The following PPP1R37 variants were observed in gnomAD, a reference collection of about 807,000 sequenced individuals.
The protein encoded by PPP1R37 is leucine rich repeat containing 68.
Under a neutral mutation model 61.0 loss-of-function variants are expected in PPP1R37, and 21 were observed. The observed-to-expected ratio is 0.34, with a 90% CI of 0.24 to 0.50. The LOEUF is 0.50. Among genes scored for constraint, PPP1R37 ranks in the 20% least tolerant of loss-of-function variants. PPP1R37 has a pLI of 0.98. For missense variants in PPP1R37, 910 were observed against 952.7 expected, an observed-to-expected ratio of 0.96 and a Z score of 0.59; for synonymous variants, 443 against 433.5, an observed-to-expected ratio of 1.02 and a Z score of -0.27.
chr19:45,139,993 G>T (rs890707530), intron 2 of PPP1R37, among the ~76,000 whole-genome samples: 1 of 152,052 alleles, frequency 6.6e-6, no homozygotes, highest in Non-Finnish European at 1.5e-5. Flanking sequence ...AGAGGGCTTC[G>T]CCCAGGCCTG....
At chr19:45,113,320 A>T (rs1180538462) in intron 1 of PPP1R37, among the ~76,000 whole-genome samples, 1 of 152,228 alleles carries the variant, frequency 6.6e-6, no homozygotes, top group Non-Finnish European at 1.5e-5. Flanking sequence ...TCGTAACAGG[A>T]ATCATAATAG....
Position 45,117,362 on chromosome 19 carries a change from G to A in PPP1R37, c.203-21152G>A, listed in dbSNP as rs562544770. Among the ~76,000 whole-genome samples, 45 of 152,318 alleles carry A rather than the reference G, an allele frequency of 3.0e-4. No homozygotes were observed. The East Asian group carries it at 6.6e-3, about 22-fold the overall frequency. On this transcript the variant is annotated intron_variant, in intron 1 of 12. Transcript: ENST00000221462. ...AAGCCTGTAGAGTGGCTGAGGAGGC[G>A]TGGGCGAGCCGAGGGTGAGCCCCGG...
At chr19:45,096,000 G>A (rs1967988574) in intron 1 of PPP1R37, among the ~76,000 whole-genome samples, 1 of 152,184 alleles carries the variant, frequency 6.6e-6, no homozygotes, top group South Asian at 2.1e-4. Flanking sequence ...TAACTCCTGA[G>A]CCTCAGTCTT....
At chr19:45,112,294 T>C (rs1417563157) in intron 1 of PPP1R37, among the ~76,000 whole-genome samples, 1 of 152,224 alleles carries the variant, frequency 6.6e-6, no homozygotes, top group African/African-American at 2.4e-5. Flanking sequence ...AGTGCTGGGA[T>C]GACAGGCGTG....
At chr19:45,138,720 T>C (rs1033647262) in intron 2 of PPP1R37, 109 bp downstream of exon 2, 1 of 643,868 alleles carries the variant, frequency 1.6e-6, no homozygotes, top group Middle Eastern at 4.0e-4. Flanking sequence ...CAGGTGTTCA[T>C]GAATACATCT....
At chr19:45,138,430 G>A (rs535682569) in intron 1 of PPP1R37, 84 bp from the exon 2 acceptor site, 144 of 944,944 alleles carry the variant, frequency 1.5e-4, no homozygotes, top group Non-Finnish European at 2.1e-4. Context: ...AGTATGGGCA[G>A]AGGCCTTAGG....
rs115933883 is a variant in PPP1R37, at chr19:45,146,236, G to T, written c.1994-154G>T. 2,471 of 875,898 alleles carry T rather than the reference G, an allele frequency of 2.8e-3. 37 individuals are homozygous for T. The African/African-American group carries it at 0.039, about 14-fold the overall frequency. The allele number at this position is 875,898 out of a possible 1,614,324, so 54.3% of individuals were successfully genotyped here. On this transcript the variant is annotated intron_variant, in intron 11 of 12. Coordinates refer to ENST00000221462, the MANE Select transcript of PPP1R37 (RefSeq NM_019121.2). Reference sequence around the variant, plus strand: ...GGGTCCTGGGAGCTCTTCCTGGGGTGGGGGGGCATGTAAGGTGTGCTGCCT... The same window carrying T: ...GGGTCCTGGGAGCTCTTCCTGGGGTTGGGGGGCATGTAAGGTGTGCTGCCT...
chr19:45,104,156 T>G (rs1968099947), intron 1 of PPP1R37, among the ~76,000 whole-genome samples: 1 of 152,324 alleles, frequency 6.6e-6, no homozygotes, highest in East Asian at 1.9e-4. Flanking sequence ...CCGTGCTGCC[T>G]TCTGGGCAAG....
chr19:45,141,166 G>A (rs946359038), intron 4 of PPP1R37, among the ~76,000 whole-genome samples, 156 bp from the exon 5 acceptor site: 8 of 152,108 alleles, frequency 5.3e-5, no homozygotes, highest in African/African-American at 1.9e-4. Flanking sequence ...TGTCCCCGTG[G>A]CTCACGGGGC....
chr19:45,133,129 G>A (rs1043976888), intron 1 of PPP1R37, among the ~76,000 whole-genome samples: 7 of 152,138 alleles, frequency 4.6e-5, no homozygotes, highest in African/African-American at 1.7e-4. Flanking sequence ...CCAGGCTGGA[G>A]TGCAGTGGTG....
intron 1 of PPP1R37, among the ~76,000 whole-genome samples, chr19:45,128,282 G>A (rs773369729): frequency 6.6e-6 from 1 of 152,140 alleles, no homozygotes; most frequent in Non-Finnish European, 1.5e-5. Flanking sequence ...CAGGCCAGCC[G>A]ACAGAGTTTG....
At chr19:45,139,061 A>C (rs1394934278) in intron 2 of PPP1R37, among the ~76,000 whole-genome samples, 1 of 151,726 alleles carries the variant, frequency 6.6e-6, no homozygotes, top group Non-Finnish European at 1.5e-5. Context: ...TTACATGTGC[A>C]CGCCACCATG....
intron 1 of PPP1R37, among the ~76,000 whole-genome samples, chr19:45,102,435 G>C (rs921427590): frequency 2.0e-5 from 3 of 152,188 alleles, no homozygotes; most frequent in Non-Finnish European, 2.9e-5. Flanking sequence ...GTCCCCATTT[G>C]TATGGGGATT....
chr19:45,139,084 T>G (rs1372774501), intron 2 of PPP1R37, among the ~76,000 whole-genome samples: 1 of 151,736 alleles, frequency 6.6e-6, no homozygotes, highest in Admixed American at 6.6e-5. Flanking sequence ...CAGCTAATTT[T>G]TTTTGTATTT....
rs760184373 is a variant in PPP1R37, at chr19:45,141,404, C to G, written c.530C>G (p.Thr177Ser). Residue 177 changes from threonine (T) to serine (S), a missense_variant, in exon 5 of 13, where the codon ACC (threonine) becomes AGC (serine). Around this residue, in one of 3 missense-constraint regions of PPP1R37, gnomAD observed 280 missense variants for 382.2 expected, o/e 0.73. Coordinates refer to ENST00000221462, the MANE Select transcript of PPP1R37 (RefSeq NM_019121.2). ...ATCTCCTTCAACAAGCACATCGGCA[C>G]CCGGGGCTGGCAGGCGGCCGCCCAC... ...LNISFNKHIG[T>S]RGWQAAAHMM... 20 of 1,535,912 alleles carry G rather than the reference C, an allele frequency of 1.3e-5. No homozygotes were observed. In the South Asian group the frequency reaches 1.7e-4, roughly 13 times the overall value.
In PPP1R37 at chr19:45,145,578, G is replaced by C. The variant is rs927577488; in HGVS notation, c.1522G>C (p.Asp508His). ...SPAPSPDSDS[D>H]SDSDGEEEEE... ...CGCACCCAGCCCGGACTCAGACTCA[G>C]ACTCGGACTCGGATGGGGAGGAAGA... Residue 508 changes from aspartate (D) to histidine (H), a missense_variant, in exon 11 of 13, where the codon GAC becomes CAC. Coordinates refer to ENST00000221462, the MANE Select transcript of PPP1R37 (RefSeq NM_019121.2). The C allele has an allele frequency of 6.5e-7, 1 of 1,535,778 alleles. No individual in the cohort carries two copies. Among genetic ancestry groups the C allele is most frequent in the Non-Finnish European group, 8.7e-7 (1 of 1,146,802 alleles).
At chr19:45,100,414 T>G (rs1253882151) in intron 1 of PPP1R37, 1 of 152,264 alleles carries the variant, frequency 6.6e-6, no homozygotes, top group African/African-American at 2.4e-5. Flanking sequence ...CATGTGCCTG[T>G]ACCAGGCACT....
In PPP1R37 at chr19:45,140,536, C is replaced by T; in HGVS notation, c.377C>T (p.Ala126Val). ...GEKLDYKTCE[A>V]LEEVFKRLQF... ...AAGCTTGACTACAAGACCTGTGAGG[C>T]CCTGGAAGAGGTCTTCAAGAGGCTG... is the stretch of plus-strand genomic sequence containing the variant. The change falls in exon 4 of 13, where the codon GCC (alanine) becomes GTC (valine). Residue 126 changes from alanine (A) to valine (V), a missense_variant. Transcript: ENST00000221462. 2 of 1,536,048 alleles carry T rather than the reference C, an allele frequency of 1.3e-6. No homozygotes were observed. The highest frequency in any genetic ancestry group is 1.7e-6 in the Non-Finnish European group (2 of 1,146,842).
intron 1 of PPP1R37, among the ~76,000 whole-genome samples, chr19:45,109,074 A>T (rs896724983): frequency 1.3e-5 from 2 of 152,102 alleles, no homozygotes; most frequent in Non-Finnish European, 2.9e-5. Context: ...GCCCGACCTA[A>T]CCTGTTTATT....
Sources: allele counts gnomAD v4.1 joint callset (sites outside exome capture counted in the v4.1 genomes callset), GRCh38; gene constraint gnomAD v4.1.1; regional missense constraint gnomAD v4.1.1; transcripts MANE v1.5; gene names NCBI Gene and HGNC (gene_info 2026-07-23, HGNC 2026-07-21).